EPB41L4A: variants seen among roughly 807,000 people sequenced by gnomAD.
EPB41L4A encodes the protein erythrocyte membrane protein band 4.1 like 4A.
Under a neutral mutation model 108.6 loss-of-function variants are expected in EPB41L4A, and 100 were observed. The observed-to-expected ratio is 0.92, with a 90% confidence interval of 0.78 to 1.09. The LOEUF (loss-of-function observed/expected upper bound fraction) is 1.09, where lower values mean the gene tolerates loss of function less well. EPB41L4A is among the 50% of genes least tolerant of loss of function. The pLI is 0.00. For synonymous variants in EPB41L4A, 319 were observed against 289.0 expected (o/e 1.10, Z -1.05); for missense variants, 1,030 against 842.7 (o/e 1.22, Z -2.75).
At position 112,162,870 on chromosome 5, in the gene EPB41L4A, G is replaced by A. The variant is rs571801190; in HGVS notation, c.*2120C>T. On this transcript the variant is annotated 3_prime_UTR_variant, in exon 23 of 23. Coordinates refer to ENST00000261486, the MANE Select transcript of EPB41L4A (RefSeq NM_022140.5). ...GGGGGAATGACATATACAGAGGCTT[G>A]GGCTAGAAAAAAGATACCGTTAGTC... The A allele has an allele frequency of 6.6e-6, 1 of 152,292 alleles. No homozygotes were observed. Among genetic ancestry groups the A allele is most frequent in the African/African-American group, 2.4e-5 (1 of 41,554 alleles). The allele number at this position is 152,292 out of a possible 1,614,324, so 9.4% of individuals were successfully genotyped here.
At chr5:112,195,378 GATAA>G (rs1012679303) in intron 16 of EPB41L4A, among the ~76,000 whole-genome samples, 2 of 151,540 alleles carry the variant, frequency 1.3e-5, no homozygotes, top group African/African-American at 4.9e-5. Context: ...AATTATACTA[GATAA>G]ATAGAGTTGT....
intron 1 of EPB41L4A, among the ~76,000 whole-genome samples, chr5:112,367,418 T>C (rs1369626383): frequency 6.6e-6 from 1 of 152,212 alleles, no homozygotes; most frequent in Non-Finnish European, 1.5e-5. Context: ...ACAAATGCCC[T>C]ATCTTCCCTT....
intron 22 of EPB41L4A, among the ~76,000 whole-genome samples, chr5:112,167,123 CAA>C (rs10642511): frequency 3.9e-4 from 43 of 110,562 alleles, no homozygotes; most frequent in South Asian, 1.6e-3. Flanking sequence ...AAATTTAAGA[CAA>C]AAAAAAAAAA....
At chr5:112,245,049 CA>C (rs1440113485) in intron 9 of EPB41L4A, among the ~76,000 whole-genome samples, 1 of 144,792 alleles carries the variant, frequency 6.9e-6, no homozygotes, top group Non-Finnish European at 1.5e-5. Context: ...AGGGTTGCCA[CA>C]AATCTTCAAT....
In EPB41L4A at chr5:112,165,119, C is replaced by CTGAAA; in HGVS notation, c.1933-2_1933-1insTTTCA. 1.2e-6 allele frequency: 1 copy of CTGAAA among 844,820 alleles called. No homozygotes were observed. Among genetic ancestry groups the CTGAAA allele is most frequent in the Admixed American group, 5.1e-5 (1 of 19,458 alleles). 52.3% of individuals were successfully genotyped at this position (844,820 alleles called of 1,614,324 possible). A position where few individuals can be genotyped will look rare whatever the true frequency, so the allele number is the denominator to read the frequency against. On this transcript the variant is annotated splice_acceptor_variant, in intron 22 of 22. Coordinates refer to ENST00000261486, the MANE Select transcript of EPB41L4A (RefSeq NM_022140.5). LOFTEE classifies it high-confidence loss of function. ...GGCTATCTTTAGACCCATTTCTTCT[C>CTGAAA]TAAAATATATTTGAAAAATGTAGAA...
intron 9 of EPB41L4A, among the ~76,000 whole-genome samples, chr5:112,253,264 T>C (rs1201449957): frequency 6.6e-6 from 1 of 152,166 alleles, no homozygotes; most frequent in Non-Finnish European, 1.5e-5. Context: ...ATGAGACACC[T>C]GAGAGGGACA....
At chr5:112,158,335 C>A, downstream of EPB41L4A, 1 of 267,652 alleles carries the variant, frequency 3.7e-6, no homozygotes. Flanking sequence ...CACAATGCTA[C>A]GTGATTCCAC....
chr5:112,231,186 C>G (rs944114625), intron 12 of EPB41L4A, among the ~76,000 whole-genome samples: 2 of 152,174 alleles, frequency 1.3e-5, no homozygotes, highest in Admixed American at 1.3e-4. Context: ...TGTCACATCT[C>G]TATATCTATA....
At chr5:112,419,927 C>G (rs977588599), upstream of EPB41L4A, 37 of 455,680 alleles carry the variant, frequency 8.1e-5, no homozygotes, top group Admixed American at 6.6e-4. Context: ...AGCGGGGAGG[C>G]GGGGACCTGC....
intron 1 of EPB41L4A, among the ~76,000 whole-genome samples, chr5:112,415,160 G>A (rs553118661): frequency 1.3e-5 from 2 of 151,882 alleles, no homozygotes; most frequent in African/African-American, 2.4e-5. Context: ...TTAAGCCCTC[G>A]CCTTATGCTT....
At chr5:112,333,471 A>G (rs777608541) in intron 1 of EPB41L4A, among the ~76,000 whole-genome samples, 7 of 152,208 alleles carry the variant, frequency 4.6e-5, no homozygotes, top group African/African-American at 7.2e-5. Flanking sequence ...GTGTGTGTGA[A>G]TATTAAGTAA....
intron 15 of EPB41L4A, among the ~76,000 whole-genome samples, chr5:112,203,330 T>A (rs992367082): frequency 3.7e-4 from 56 of 152,234 alleles, no homozygotes; most frequent in African/African-American, 1.3e-3. Context: ...CACTCCAGCC[T>A]GGGCATCAGA....
At chr5:112,398,682 T>C (rs1053283061) in intron 1 of EPB41L4A, among the ~76,000 whole-genome samples, 3 of 152,076 alleles carry the variant, frequency 2.0e-5, no homozygotes, top group Non-Finnish European at 4.4e-5. Flanking sequence ...TGAACCACCA[T>C]GCCCAGCCTA....
At chr5:112,178,993 C>T (rs1580375924) in intron 18 of EPB41L4A, among the ~76,000 whole-genome samples, 3 of 151,088 alleles carry the variant, frequency 2.0e-5, no homozygotes, top group Admixed American at 2.0e-4. Flanking sequence ...GAAGAGAAAA[C>T]ACAAATCACC....
At chr5:112,306,247 C>T (rs535382514) in intron 2 of EPB41L4A, among the ~76,000 whole-genome samples, 1 of 152,238 alleles carries the variant, frequency 6.6e-6, no homozygotes, top group East Asian at 1.9e-4. Context: ...ATTTACAGTA[C>T]TGCTATATTT....
Position 112,239,668 on chromosome 5 carries a change from G to C in EPB41L4A, c.957C>G (p.His319Gln). Reference sequence around the variant, plus strand: ...AAAAAAATGTCATTTACCTGTAGCGGTGCTTATAACGTATGGATCCAAACT... The same window carrying C: ...AAAAAAATGTCATTTACCTGTAGCGCTGCTTATAACGTATGGATCCAAACT... Reference protein sequence around the residue: ...LSKFGSIRYKHRYSGRTALQM... With the variant: ...LSKFGSIRYKQRYSGRTALQM... Residue 319 changes from histidine (H) to glutamine (Q), a missense_variant, in exon 11 of 23, where the codon CAC (histidine) becomes CAG (glutamine). Physicochemically the swap from His to Gln is conservative, Grantham distance 24 (BLOSUM62 0). Coordinates refer to ENST00000261486, the MANE Select transcript of EPB41L4A (RefSeq NM_022140.5). 1 of 1,599,736 alleles carries C rather than the reference G, an allele frequency of 6.3e-7. No homozygotes were observed. The highest frequency in any genetic ancestry group is 2.3e-5 in the East Asian group (1 of 44,088).
chr5:112,403,477 G>A (rs541108488), intron 1 of EPB41L4A, among the ~76,000 whole-genome samples: 2 of 152,034 alleles, frequency 1.3e-5, no homozygotes, highest in South Asian at 4.2e-4. Flanking sequence ...TCAAATCTAA[G>A]CTTGCCTTTC....
chr5:112,366,882 G>A (rs1759152853), intron 1 of EPB41L4A, among the ~76,000 whole-genome samples: 1 of 152,198 alleles, frequency 6.6e-6, no homozygotes, highest in Admixed American at 6.5e-5. Context: ...CAGCAACAGT[G>A]CTTTACAGAG....
chr5:112,326,466 T>C (rs1017555040), intron 1 of EPB41L4A, among the ~76,000 whole-genome samples: 45 of 149,224 alleles, frequency 3.0e-4, no homozygotes, highest in African/African-American at 1.1e-3. Context: ...AAAATAATTT[T>C]AGTAAAAAAC....
Sources: allele counts gnomAD v4.1 joint callset (sites outside exome capture counted in the v4.1 genomes callset), GRCh38; gene constraint gnomAD v4.1.1; transcripts MANE v1.5; gene names NCBI Gene and HGNC (gene_info 2026-07-23, HGNC 2026-07-21).